MECOM: variants seen among roughly 807,000 people sequenced by gnomAD.
MECOM encodes the protein MDS1 and EVI1 complex locus, also known as histone-lysine N-methyltransferase MECOM.
A neutral mutation model predicts 116.3 loss-of-function variants in MECOM; 13 were observed. The ratio of observed to expected loss-of-function variants is 0.11; its 90% CI spans 0.07 to 0.18. The LOEUF (loss-of-function observed/expected upper bound fraction) is 0.18. Ranked by LOEUF, MECOM falls within the 10% of genes least tolerant of loss-of-function variation. MECOM has a pLI of 1.00. For missense variants in MECOM, 1,299 were observed against 1,509.0 expected, an observed-to-expected ratio of 0.86 and a Z score of 2.31; for synonymous variants, 528 against 535.2, an observed-to-expected ratio of 0.99 and a Z score of 0.19.
intron 1 of MECOM, among the ~76,000 whole-genome samples, chr3:169,404,276 C>T: frequency 6.6e-6 from 1 of 152,022 alleles, no homozygotes; most frequent in Non-Finnish European, 1.5e-5. Flanking sequence ...GGTTGTCTCT[C>T]TGCAAAATAT....
chr3:169,261,541 A>T (rs1467404106), intron 2 of MECOM, among the ~76,000 whole-genome samples: 4 of 152,196 alleles, frequency 2.6e-5, no homozygotes, highest in Non-Finnish European at 5.9e-5. Context: ...TCTACTAAAA[A>T]TACAAAAAAA....
chr3:169,250,006 G>T (rs1293163488), intron 2 of MECOM, among the ~76,000 whole-genome samples: 1 of 152,104 alleles, frequency 6.6e-6, no homozygotes, highest in Non-Finnish European at 1.5e-5. Context: ...GCACAAACTT[G>T]CAAAGAATTA....
chr3:169,389,180 A>G (rs561660822), intron 1 of MECOM, among the ~76,000 whole-genome samples: 1 of 152,364 alleles, frequency 6.6e-6, no homozygotes, highest in East Asian at 1.9e-4. Context: ...AAGCTATTAA[A>G]AAATGGGCTT....
chr3:169,443,983 C>A (rs1405705937), intron 1 of MECOM, among the ~76,000 whole-genome samples: 3 of 152,218 alleles, frequency 2.0e-5, no homozygotes, highest in East Asian at 3.8e-4. Context: ...CCCATATTTT[C>A]ATCCCCAAAC....
chr3:169,345,689 C>G (rs1725231673), intron 2 of MECOM, among the ~76,000 whole-genome samples: 1 of 152,136 alleles, frequency 6.6e-6, no homozygotes, highest in South Asian at 2.1e-4. Flanking sequence ...CTAAATTCCA[C>G]TTTTGTACAT....
At chr3:169,204,494 T>C (rs1260227523) in intron 2 of MECOM, among the ~76,000 whole-genome samples, 1 of 152,174 alleles carries the variant, frequency 6.6e-6, no homozygotes, top group Non-Finnish European at 1.5e-5. Flanking sequence ...GGAAACAGAA[T>C]TATTTATATG....
rs576250849 is a variant in MECOM at position 169,464,454 on chromosome 3, G to A, written c.38-82930C>T. ...TTGTTGTCCATCAGGATGTCTCGCC[G>A]TGTAGATCTCACACCCTCTAGTTTT... On this transcript the variant is annotated intron_variant, in intron 1 of 16. Coordinates refer to ENST00000651503, the MANE Select transcript of MECOM (RefSeq NM_004991.4). 2.3e-4 allele frequency among the ~76,000 whole-genome samples: 35 copies of A among 152,160 alleles called. No individual in the cohort carries two copies. The South Asian group carries it at 2.9e-3, about 13-fold the overall frequency.
intron 2 of MECOM, among the ~76,000 whole-genome samples, chr3:169,361,027 C>T (rs1271965084): frequency 6.6e-6 from 1 of 151,454 alleles, no homozygotes; most frequent in Non-Finnish European, 1.5e-5. Context: ...GTGCTGGGGG[C>T]CAAATTAAGG....
rs62295976 is a variant in MECOM at position 169,540,912 on chromosome 3, C to T, written c.37+122424G>A. 1.9e-3 allele frequency among the ~76,000 whole-genome samples: 285 copies of T among 152,340 alleles called. 1 individual carries two copies. Among genetic ancestry groups the T allele is most frequent in the South Asian group, 5.4e-3 (26 of 4,830 alleles). On this transcript the variant is annotated intron_variant, in intron 1 of 16. Transcript: ENST00000651503. ...GCAGAATTAGGCACACTCCTTGGCA[C>T]ATCAAACCACTTTGAACACATCTCT...
intron 1 of MECOM, among the ~76,000 whole-genome samples, chr3:169,562,189 T>TAGAAAA (rs59301558): frequency 0.29 from 28,195 of 97,664 alleles, 3,795 homozygotes; most frequent in East Asian, 0.72. Flanking sequence ...AAAAAAAAGA[T>TAGAAAA]AGAAAAAGAA....
At chr3:169,382,719 G>C (rs537212193) in intron 1 of MECOM, among the ~76,000 whole-genome samples, 2 of 151,838 alleles carry the variant, frequency 1.3e-5, no homozygotes, top group East Asian at 1.9e-4. Context: ...TGAGTGTGGT[G>C]GTATGCGCCT....
chr3:169,350,022 C>G (rs1726044455), intron 2 of MECOM, among the ~76,000 whole-genome samples: 1 of 151,848 alleles, frequency 6.6e-6, no homozygotes, highest in Non-Finnish European at 1.5e-5. Context: ...ATGATAGAGT[C>G]TAATGAAGTG....
chr3:169,603,979 T>C (rs1016185030), intron 1 of MECOM, among the ~76,000 whole-genome samples: 2 of 152,348 alleles, frequency 1.3e-5, no homozygotes, highest in Admixed American at 1.3e-4. Flanking sequence ...CTAAGATCTT[T>C]GGCAGTTAGG....
At chr3:169,357,996 G>A (rs1006891356) in intron 2 of MECOM, among the ~76,000 whole-genome samples, 1 of 151,700 alleles carries the variant, frequency 6.6e-6, no homozygotes, top group African/African-American at 2.4e-5. Flanking sequence ...GGAACCATGT[G>A]TTATTTTATG....
At chr3:169,618,089 A>G (rs1160857631) in intron 1 of MECOM, among the ~76,000 whole-genome samples, 1 of 152,216 alleles carries the variant, frequency 6.6e-6, no homozygotes, top group African/African-American at 2.4e-5. Flanking sequence ...AGTGCCATCA[A>G]AATGAGATCA....
At chr3:169,256,801 C>T (rs1756920378) in intron 2 of MECOM, among the ~76,000 whole-genome samples, 1 of 152,208 alleles carries the variant, frequency 6.6e-6, no homozygotes, top group African/African-American at 2.4e-5. Context: ...CCTACCTTCT[C>T]ATATGCCCAT....
intron 1 of MECOM, among the ~76,000 whole-genome samples, chr3:169,628,162 C>T (rs1056550144): frequency 6.6e-6 from 1 of 152,212 alleles, no homozygotes; most frequent in African/African-American, 2.4e-5. Flanking sequence ...GCCAGGAATT[C>T]CCACTTCTTG....
intron 1 of MECOM, among the ~76,000 whole-genome samples, chr3:169,647,948 T>A (rs1290370296): frequency 2.6e-5 from 4 of 152,032 alleles, no homozygotes; most frequent in African/African-American, 9.7e-5. Context: ...CCAGAAAACA[T>A]GTTTACGGTA....
intron 9 of MECOM, among the ~76,000 whole-genome samples, chr3:169,110,084 A>C (rs1168271427): frequency 6.6e-6 from 1 of 152,196 alleles, no homozygotes; most frequent in East Asian, 1.9e-4. Flanking sequence ...CAATATACTT[A>C]AATGGAAAAT....
Sources: gnomAD v4.1 joint callset for allele counts (sites outside exome capture counted in the v4.1 genomes callset) on GRCh38, gnomAD v4.1.1 for gene constraint, MANE v1.5 for transcripts, NCBI Gene and HGNC (gene_info 2026-07-23, HGNC 2026-07-21) for gene names.